Variants in LOC128706665 observed in about 807,000 individuals in gnomAD.
the LOC128706665 span, among the ~76,000 whole-genome samples, chr20:10,421,834 CTA>C: frequency 1.3e-5 from 2 of 151,780 alleles, no homozygotes; most frequent in African/African-American, 4.8e-5. Flanking sequence ...CAGAAAGATG[CTA>C]TGTTTGATGA....
the LOC128706665 span, among the ~76,000 whole-genome samples, chr20:10,432,783 C>G: frequency 1.8e-5 from 1 of 55,142 alleles, no homozygotes. Flanking sequence ...GAGCGAGACT[C>G]TTTGTCAAAA....
the LOC128706665 span, among the ~76,000 whole-genome samples, chr20:10,424,715 T>G: frequency 6.6e-6 from 1 of 152,334 alleles, no homozygotes; most frequent in Non-Finnish European, 1.5e-5. Context: ...CAATTTAAAT[T>G]TAGCACTTTT....
At chr20:10,433,950 C>T in the LOC128706665 span, among the ~76,000 whole-genome samples, 10 of 152,338 alleles carry the variant, frequency 6.6e-5, no homozygotes, top group Admixed American at 2.6e-4. Context: ...TCGCCTCCTA[C>T]AGAGAGCCAG....
chr20:10,419,600 A>G, the LOC128706665 span, among the ~76,000 whole-genome samples: 1 of 152,316 alleles, frequency 6.6e-6, no homozygotes, highest in East Asian at 1.9e-4. Flanking sequence ...TACCTATGAT[A>G]AAGTTCAATT....
the LOC128706665 span, among the ~76,000 whole-genome samples, chr20:10,415,906 C>T: frequency 1.6e-3 from 242 of 151,836 alleles, 1 homozygote; most frequent in Middle Eastern, 0.014. Context: ...ACTCCCAAAT[C>T]ATTTTAAAGA....
chr20:10,420,457 A>T, the LOC128706665 span: 1 of 152,194 alleles, frequency 6.6e-6, no homozygotes, highest in Non-Finnish European at 1.5e-5. Flanking sequence ...CTTGCCAGAG[A>T]TCTAAAAGAT....
chr20:10,413,835 G>C, the LOC128706665 span: 1 of 459,732 alleles, frequency 2.2e-6, no homozygotes, highest in Non-Finnish European at 3.8e-6. Context: ...ACCTATGAAA[G>C]ATATCCCAGC....
At chr20:10,427,929 C>T in the LOC128706665 span, among the ~76,000 whole-genome samples, 3 of 152,184 alleles carry the variant, frequency 2.0e-5, no homozygotes, top group Non-Finnish European at 2.9e-5. Context: ...CTGCTAACAG[C>T]GTAACTGAGT....
chr20:10,421,242 C>T, the LOC128706665 span, among the ~76,000 whole-genome samples: 1 of 151,898 alleles, frequency 6.6e-6, no homozygotes, highest in East Asian at 1.9e-4. Flanking sequence ...CCAGCCTAGC[C>T]AACACAGTGA....
At chr20:10,433,813 G>A in the LOC128706665 span, among the ~76,000 whole-genome samples, 2 of 152,188 alleles carry the variant, frequency 1.3e-5, no homozygotes, top group African/African-American at 4.8e-5. Flanking sequence ...GAAGGCGGCA[G>A]CGCAGGTGGG....
the LOC128706665 span, among the ~76,000 whole-genome samples, chr20:10,417,029 C>T: frequency 1.3e-4 from 20 of 151,956 alleles, no homozygotes; most frequent in Non-Finnish European, 2.6e-4. Context: ...TGAATAGTCG[C>T]TAATAATTAT....
the LOC128706665 span, among the ~76,000 whole-genome samples, chr20:10,420,279 C>T: frequency 6.6e-6 from 1 of 151,964 alleles, no homozygotes; most frequent in Non-Finnish European, 1.5e-5. Flanking sequence ...CATTCATGAT[C>T]CTGGTGATGC....
the LOC128706665 span, among the ~76,000 whole-genome samples, chr20:10,431,449 GTCC>G: frequency 6.6e-6 from 1 of 152,056 alleles, no homozygotes; most frequent in Non-Finnish European, 1.5e-5. Context: ...CATGATTCTT[GTCC>G]TCAAGGAGAA....
chr20:10,427,029 G>GACACACACACAGACACACACACACACAC, the LOC128706665 span, among the ~76,000 whole-genome samples: 67 of 130,782 alleles, frequency 5.1e-4, no homozygotes, highest in Middle Eastern at 4.2e-3. Context: ...AGAAAACACT[G>GACACACACACAGACACACACACACACAC]ACACACACAC....
chr20:10,422,904 G>T, the LOC128706665 span, among the ~76,000 whole-genome samples: 245 of 151,860 alleles, frequency 1.6e-3, 2 homozygotes, highest in Admixed American at 3.5e-3. Context: ...GTAGAGACAG[G>T]GTTTCACCGT....
the LOC128706665 span, among the ~76,000 whole-genome samples, chr20:10,416,266 A>C: frequency 6.6e-6 from 1 of 152,212 alleles, no homozygotes; most frequent in African/African-American, 2.4e-5. Context: ...AAATACAAAC[A>C]GGTGAAAGTT....
the LOC128706665 span, among the ~76,000 whole-genome samples, chr20:10,417,395 G>C: frequency 6.6e-6 from 1 of 152,192 alleles, no homozygotes; most frequent in Non-Finnish European, 1.5e-5. Flanking sequence ...AGGATTGCTT[G>C]AGGCCAGAAA....
chr20:10,431,248 C>T, the LOC128706665 span, among the ~76,000 whole-genome samples: 1 of 152,080 alleles, frequency 6.6e-6, no homozygotes, highest in African/African-American at 2.4e-5. Context: ...TGGGTTCCAA[C>T]TTATAAGGTG....
At chr20:10,430,318 A>G in the LOC128706665 span, among the ~76,000 whole-genome samples, 1 of 152,188 alleles carries the variant, frequency 6.6e-6, no homozygotes, top group Non-Finnish European at 1.5e-5. Context: ...GTGGCCTTGG[A>G]TTAGTCACTT....
Sources: allele counts gnomAD v4.1 joint callset (sites outside exome capture counted in the v4.1 genomes callset), GRCh38; gene constraint gnomAD v4.1.1; transcripts MANE v1.5.